Variants in LRRTM4 observed in about 807,000 individuals in gnomAD.
The protein encoded by LRRTM4 is leucine rich repeat transmembrane neuronal 4.
Under a neutral mutation model 47.6 loss-of-function variants are expected in LRRTM4, and 25 were observed. That is an observed-to-expected ratio of 0.53 (90% CI 0.38 to 0.73). LRRTM4 has a LOEUF of 0.73. LRRTM4 is among the 30% of genes least tolerant of loss of function. The pLI, the probability that LRRTM4 is intolerant of heterozygous loss-of-function variation, is 0.00. For missense variants in LRRTM4, 638 were observed against 713.4 expected, an observed-to-expected ratio of 0.89 and a Z score of 1.20; for synonymous variants, 311 against 269.5, an observed-to-expected ratio of 1.15 and a Z score of -1.51.
At chr2:77,039,391 T>C (rs1678950971) in intron 3 of LRRTM4, among the ~76,000 whole-genome samples, 1 of 151,090 alleles carries the variant, frequency 6.6e-6, no homozygotes, top group Non-Finnish European at 1.5e-5. Flanking sequence ...GTATATTTGT[T>C]TTAATCAAGC....
chr2:76,816,554 A>G (rs201624393), intron 3 of LRRTM4, among the ~76,000 whole-genome samples: 1 of 151,834 alleles, frequency 6.6e-6, no homozygotes, highest in Non-Finnish European at 1.5e-5. Context: ...ATTTTTATTT[A>G]TTTTTTATTT....
intron 3 of LRRTM4, among the ~76,000 whole-genome samples, chr2:77,427,166 A>T (rs1037036223): frequency 9.9e-5 from 15 of 152,134 alleles, no homozygotes; most frequent in African/African-American, 3.4e-4. Flanking sequence ...TTTAGTGGAG[A>T]TGAGGTTTCA....
chr2:77,074,481 T>C (rs1163009505), intron 3 of LRRTM4, among the ~76,000 whole-genome samples: 1 of 152,078 alleles, frequency 6.6e-6, no homozygotes, highest in African/African-American at 2.4e-5. Context: ...TATAAAAAAC[T>C]GAAGGCTGAA....
At chr2:76,808,937 A>G (rs1277729802) in intron 3 of LRRTM4, among the ~76,000 whole-genome samples, 2 of 152,114 alleles carry the variant, frequency 1.3e-5, no homozygotes, top group Admixed American at 6.5e-5. Flanking sequence ...AAATTATATC[A>G]TATCTCTGTC....
rs1380235206 is a variant in LRRTM4, at chr2:77,063,936, G to A, written c.1552-315020C>T. On this transcript the variant is annotated intron_variant, in intron 3 of 3. Coordinates refer to ENST00000409884, the MANE Select transcript of LRRTM4 (RefSeq NM_001134745.3). The stretch of plus-strand genomic sequence containing the variant: ...GGCCTAGATTTTTTTTTTGGAAGGA[G>A]ACTAAGGCTATTTGGAAAAATAGAT... Among the ~76,000 whole-genome samples the A allele has an allele frequency of 3.3e-5, 5 of 151,968 alleles. No homozygotes were observed. In the East Asian group the frequency reaches 9.7e-4, roughly 29 times the overall value.
intron 3 of LRRTM4, among the ~76,000 whole-genome samples, chr2:77,100,846 C>CT (rs752749316): frequency 0.085 from 10,412 of 122,948 alleles, 658 homozygotes; most frequent in African/African-American, 0.16. Context: ...AGCTCTGATT[C>CT]TTTTTTTTTT....
At chr2:76,777,265 C>A (rs1362721301) in intron 3 of LRRTM4, among the ~76,000 whole-genome samples, 1 of 147,806 alleles carries the variant, frequency 6.8e-6, no homozygotes, top group East Asian at 2.1e-4. Context: ...TCCATATGAA[C>A]TTTAAAGTAG....
intron 3 of LRRTM4, among the ~76,000 whole-genome samples, chr2:77,478,065 A>G (rs1377887500): frequency 1.3e-5 from 2 of 152,078 alleles, no homozygotes; most frequent in Admixed American, 1.3e-4. Context: ...TCAAGGCTAC[A>G]TATATTCTAA....
chr2:77,050,280 G>C (rs772855060), intron 3 of LRRTM4, among the ~76,000 whole-genome samples: 1 of 152,052 alleles, frequency 6.6e-6, no homozygotes, highest in Non-Finnish European at 1.5e-5. Context: ...CCATGAGCTG[G>C]AGGTAATAGG....
chr2:76,886,506 T>C (rs190688355), intron 3 of LRRTM4, among the ~76,000 whole-genome samples: 153 of 152,076 alleles, frequency 1.0e-3, no homozygotes, highest in South Asian at 2.3e-3. Context: ...ATACAACCAA[T>C]AAATAAGATA....
At chr2:76,952,061 C>T (rs1190572154) in intron 3 of LRRTM4, among the ~76,000 whole-genome samples, 1 of 151,928 alleles carries the variant, frequency 6.6e-6, no homozygotes, top group African/African-American at 2.4e-5. Flanking sequence ...CAAGTCTTTG[C>T]TATTGTCAAC....
At chr2:77,276,725 A>G (rs1204260399) in intron 3 of LRRTM4, among the ~76,000 whole-genome samples, 4 of 104,604 alleles carry the variant, frequency 3.8e-5, no homozygotes, top group Non-Finnish European at 8.0e-5. Context: ...ATATATATAT[A>G]TATATATGTT....
In LRRTM4 at chr2:77,083,792, T is replaced by TTTG. The variant is rs1558569771; in HGVS notation, c.1552-334877_1552-334876insCAA. Among the ~76,000 whole-genome samples, 26 of 57,622 alleles carry TTTG rather than the reference T, an allele frequency of 4.5e-4. 2 individuals carry two copies. Among genetic ancestry groups the TTTG allele is most frequent in the African/African-American group, 2.2e-3 (21 of 9,374 alleles). The allele number at this position is 57,622 out of a possible 152,430, so 37.8% of individuals were successfully genotyped here. On this transcript the variant is annotated intron_variant, in intron 3 of 3. Coordinates refer to ENST00000409884, the MANE Select transcript of LRRTM4 (RefSeq NM_001134745.3). Reference sequence around the variant, plus strand: ...TTTTTAACTGGACACACTTTTTTTTTTTTTTTTTTTTTTTTTTTTTTTTTT... The same window carrying TTTG: ...TTTTTAACTGGACACACTTTTTTTTTTTGTTTTTTTTTTTTTTTTTTTTTTTTT...
At chr2:77,463,242 T>G (rs1012912154) in intron 3 of LRRTM4, among the ~76,000 whole-genome samples, 4 of 152,170 alleles carry the variant, frequency 2.6e-5, no homozygotes, top group African/African-American at 9.6e-5. Context: ...TAAGCACTTG[T>G]GTACCTAAAA....
intron 3 of LRRTM4, among the ~76,000 whole-genome samples, chr2:77,057,373 A>G (rs1359544214): frequency 6.6e-6 from 1 of 152,206 alleles, no homozygotes; most frequent in African/African-American, 2.4e-5. Flanking sequence ...CAATTGTGAT[A>G]TGTGTGCGAA....
chr2:77,426,805 GCACACACACACACACACACACACATGCA>G (rs1395100538), intron 3 of LRRTM4, among the ~76,000 whole-genome samples: 2 of 147,436 alleles, frequency 1.4e-5, no homozygotes, highest in Non-Finnish European at 3.0e-5. Flanking sequence ...AGAGGTGTAT[GCACACACACACACACACACACACATGCA>G]CACACACACA....
At chr2:76,952,402 AAAG>A (rs1460134046) in intron 3 of LRRTM4, among the ~76,000 whole-genome samples, 1 of 151,992 alleles carries the variant, frequency 6.6e-6, no homozygotes, top group South Asian at 2.1e-4. Context: ...ACATTTCTCA[AAAG>A]AAGGCATACG....
chr2:77,031,074 G>C (rs535390802), intron 3 of LRRTM4, among the ~76,000 whole-genome samples: 35 of 152,158 alleles, frequency 2.3e-4, no homozygotes, highest in Non-Finnish European at 4.7e-4. Context: ...ATTTACTCAG[G>C]TTTGTAAGCA....
intron 3 of LRRTM4, among the ~76,000 whole-genome samples, chr2:76,958,206 C>T (rs1675738742): frequency 6.6e-6 from 1 of 151,694 alleles, no homozygotes; most frequent in Admixed American, 6.6e-5. Context: ...AGGCAGAGGG[C>T]CATGTCATCA....
Sources: gnomAD v4.1 joint callset for allele counts (sites outside exome capture counted in the v4.1 genomes callset) on GRCh38, gnomAD v4.1.1 for gene constraint, MANE v1.5 for transcripts, NCBI Gene and HGNC (gene_info 2026-07-23, HGNC 2026-07-21) for gene names.